The following MAGI2 variants were observed in gnomAD, a reference collection of about 807,000 sequenced individuals.
MAGI2 encodes membrane associated guanylate kinase, WW and PDZ domain containing 2.
In MAGI2, 35 loss-of-function variants were observed where a neutral mutation model predicts 133.3. That is an observed-to-expected ratio of 0.26 (90% CI 0.20 to 0.35). MAGI2 has a LOEUF of 0.35. MAGI2 is among the 10% of genes least tolerant of loss of function. The probability of loss-of-function intolerance (pLI) is 1.00; values close to 1 mark genes in which losing one functional copy is unlikely to be tolerated. For missense variants in MAGI2, 1,636 were observed against 1,863.4 expected, an observed-to-expected ratio of 0.88 and a Z score of 2.25; for synonymous variants, 729 against 710.6, an observed-to-expected ratio of 1.03 and a Z score of -0.41.
intron 6 of MAGI2, among the ~76,000 whole-genome samples, chr7:78,395,679 A>C (rs1796282819): frequency 1.3e-5 from 2 of 152,228 alleles, no homozygotes; most frequent in Admixed American, 1.3e-4. Context: ...TGCTACTCTA[A>C]GAGAAAGGTT....
At chr7:78,893,889 A>T (rs1385976313) in intron 2 of MAGI2, among the ~76,000 whole-genome samples, 1 of 152,196 alleles carries the variant, frequency 6.6e-6, no homozygotes, top group Non-Finnish European at 1.5e-5. Context: ...TAATAAAAAA[A>T]AGAATTTCCA....
intron 21 of MAGI2, among the ~76,000 whole-genome samples, chr7:78,054,357 C>A (rs1228574814): frequency 6.6e-6 from 1 of 152,086 alleles, no homozygotes; most frequent in East Asian, 1.9e-4. Context: ...AAATCCTGAC[C>A]TCATGATCCG....
intron 2 of MAGI2, among the ~76,000 whole-genome samples, chr7:78,651,642 T>C: frequency 6.6e-6 from 1 of 152,282 alleles, no homozygotes; most frequent in East Asian, 1.9e-4. Flanking sequence ...GAATAGATTA[T>C]GTATATTCTA....
At chr7:78,097,056 G>GA (rs1011229166) in intron 20 of MAGI2, among the ~76,000 whole-genome samples, 5 of 151,816 alleles carry the variant, frequency 3.3e-5, no homozygotes, top group African/African-American at 1.2e-4. Context: ...ACAAGCATAT[G>GA]AAAAAAAACC....
chr7:78,278,957 G>A (rs17150491), intron 9 of MAGI2, among the ~76,000 whole-genome samples: 28,675 of 152,130 alleles, frequency 0.19, 3,228 homozygotes, highest in South Asian at 0.31. Flanking sequence ...ACTATACAAT[G>A]TATCTATTCA....
intron 2 of MAGI2, among the ~76,000 whole-genome samples, chr7:78,996,573 T>C (rs1471346823): frequency 6.6e-6 from 1 of 152,100 alleles, no homozygotes; most frequent in African/African-American, 2.4e-5. Context: ...GCTTAATACC[T>C]GGATGAATGA....
At chr7:78,954,271 C>A (rs1001973685) in intron 2 of MAGI2, among the ~76,000 whole-genome samples, 4 of 152,054 alleles carry the variant, frequency 2.6e-5, no homozygotes, top group African/African-American at 9.7e-5. Flanking sequence ...ATCCATTTGG[C>A]ATGTTTCTGT....
At chr7:78,770,403 G>T (rs990155976) in intron 2 of MAGI2, among the ~76,000 whole-genome samples, 1 of 152,184 alleles carries the variant, frequency 6.6e-6, no homozygotes, top group East Asian at 1.9e-4. Flanking sequence ...TATATTTGAA[G>T]TCAATTACGT....
intron 1 of MAGI2, among the ~76,000 whole-genome samples, chr7:79,235,749 G>C (rs1018023574): frequency 6.6e-6 from 1 of 152,170 alleles, no homozygotes; most frequent in African/African-American, 2.4e-5. Flanking sequence ...GAAATCACCC[G>C]TCTTCTGCGT....
intron 1 of MAGI2, among the ~76,000 whole-genome samples, chr7:79,337,531 G>A (rs1336630787): frequency 6.6e-6 from 1 of 152,172 alleles, no homozygotes; most frequent in African/African-American, 2.4e-5. Flanking sequence ...TTTGAATGAA[G>A]TAATCTGAGC....
At chr7:78,987,854 A>G (rs948706888) in intron 2 of MAGI2, among the ~76,000 whole-genome samples, 3 of 152,080 alleles carry the variant, frequency 2.0e-5, no homozygotes, top group African/African-American at 7.2e-5. Context: ...ACACAGGCAC[A>G]CACACACAGT....
intron 6 of MAGI2, among the ~76,000 whole-genome samples, chr7:78,438,809 G>A (rs770163287): frequency 1.3e-5 from 2 of 152,098 alleles, no homozygotes; most frequent in African/African-American, 4.8e-5. Flanking sequence ...TTTCATGGGC[G>A]CACAATACAT....
intron 9 of MAGI2, among the ~76,000 whole-genome samples, chr7:78,316,533 G>T (rs1250526030): frequency 6.6e-6 from 1 of 152,178 alleles, no homozygotes. Context: ...AAACAGAGTT[G>T]ATAAAATAAT....
chr7:78,621,793 A>C (rs1280849880), intron 3 of MAGI2, among the ~76,000 whole-genome samples: 1 of 152,054 alleles, frequency 6.6e-6, no homozygotes, highest in Non-Finnish European at 1.5e-5. Flanking sequence ...AAATCAGGAC[A>C]ATCTATCTGA....
intron 9 of MAGI2, among the ~76,000 whole-genome samples, chr7:78,328,522 C>CACACACACACACAG (rs952721558): frequency 1.1e-4 from 12 of 108,496 alleles, no homozygotes; most frequent in Non-Finnish European, 2.5e-4. Context: ...CACACACACA[C>CACACACACACACAG]ACACACACCC....
intron 9 of MAGI2, among the ~76,000 whole-genome samples, chr7:78,305,886 T>C (rs1798210896): frequency 1.3e-5 from 2 of 152,216 alleles, no homozygotes; most frequent in African/African-American, 4.8e-5. Flanking sequence ...ATAAATGTCA[T>C]ATCAAGGAGG....
intron 1 of MAGI2, among the ~76,000 whole-genome samples, chr7:79,252,570 T>C (rs962707484): frequency 2.0e-5 from 3 of 152,206 alleles, no homozygotes; most frequent in African/African-American, 7.2e-5. Flanking sequence ...TTGACAATCA[T>C]TTATTGTACA....
At chr7:78,725,804 A>G (rs1300066552) in intron 2 of MAGI2, among the ~76,000 whole-genome samples, 1 of 152,028 alleles carries the variant, frequency 6.6e-6, no homozygotes, top group Non-Finnish European at 1.5e-5. Flanking sequence ...GTCTCAATAC[A>G]ACAACAACCA....
chr7:78,115,491 C>T (rs571617688), intron 20 of MAGI2, among the ~76,000 whole-genome samples: 13 of 152,084 alleles, frequency 8.5e-5, no homozygotes, highest in Admixed American at 3.3e-4. Flanking sequence ...AGACACAGAA[C>T]GGTTAAAAGC....
Sources: allele counts gnomAD v4.1 joint callset (sites outside exome capture counted in the v4.1 genomes callset), GRCh38; gene constraint gnomAD v4.1.1; transcripts MANE v1.5; gene names NCBI Gene and HGNC (gene_info 2026-07-23, HGNC 2026-07-21).